NCAM2: variants seen among roughly 807,000 people sequenced by gnomAD.
NCAM2 encodes the protein neural cell adhesion molecule 2, also known as N-CAM-2.
In NCAM2, 30 loss-of-function variants were observed where a neutral mutation model predicts 98.1. The observed-to-expected ratio is 0.31, with a 90% CI of 0.23 to 0.41. The LOEUF (loss-of-function observed/expected upper bound fraction) is 0.41. Ranked by LOEUF, NCAM2 falls within the 10% of genes least tolerant of loss-of-function variation. The pLI is 1.00. For synonymous variants in NCAM2, 368 were observed against 342.4 expected, an observed-to-expected ratio of 1.07 and a Z score of -0.83; for missense variants, 867 against 1,005.8, an observed-to-expected ratio of 0.86 and a Z score of 1.87.
chr21:21,298,748 T>C (rs1272960644), intron 5 of NCAM2, among the ~76,000 whole-genome samples: 2 of 151,680 alleles, frequency 1.3e-5, no homozygotes, highest in African/African-American at 4.8e-5. Context: ...TCTATTTCTC[T>C]TTTACTCAGA....
At chr21:21,004,882 C>T (rs2064083360) in intron 1 of NCAM2, among the ~76,000 whole-genome samples, 1 of 152,080 alleles carries the variant, frequency 6.6e-6, no homozygotes, top group African/African-American at 2.4e-5. Context: ...AAAGCCTAGC[C>T]TCTTACCAGG....
At chr21:21,220,670 A>G (rs2070110783) in intron 1 of NCAM2, among the ~76,000 whole-genome samples, 1 of 152,164 alleles carries the variant, frequency 6.6e-6, no homozygotes, top group Non-Finnish European at 1.5e-5. Context: ...TTTCAATTCC[A>G]GTAATTCTTC....
chr21:21,457,139 T>C (rs1160880735), intron 12 of NCAM2, among the ~76,000 whole-genome samples: 1 of 152,094 alleles, frequency 6.6e-6, no homozygotes, highest in Non-Finnish European at 1.5e-5. Flanking sequence ...GTGTTGGCAT[T>C]GCCTCAAATA....
At chr21:21,526,222 GA>G (rs1243476236) in intron 16 of NCAM2, among the ~76,000 whole-genome samples, 1 of 151,938 alleles carries the variant, frequency 6.6e-6, no homozygotes, top group African/African-American at 2.4e-5. Flanking sequence ...GATAGTCTAT[GA>G]AAAAAGTCTG....
chr21:21,376,235 A>G (rs1041862588), intron 9 of NCAM2, among the ~76,000 whole-genome samples: 1 of 151,846 alleles, frequency 6.6e-6, no homozygotes, highest in Admixed American at 6.6e-5. Context: ...ATTATTGTCC[A>G]TGCATGACAG....
chr21:21,518,918 A>T (rs995178464), intron 16 of NCAM2, among the ~76,000 whole-genome samples: 2 of 152,282 alleles, frequency 1.3e-5, no homozygotes, highest in Middle Eastern at 3.4e-3. Context: ...CAGGATGTTA[A>T]GTTGTTATTT....
intron 1 of NCAM2, among the ~76,000 whole-genome samples, chr21:21,276,616 C>G (rs1053931675): frequency 1.8e-4 from 27 of 152,082 alleles, no homozygotes; most frequent in African/African-American, 6.5e-4. Flanking sequence ...CATCACTTAC[C>G]TTATATTGAT....
intron 1 of NCAM2, among the ~76,000 whole-genome samples, chr21:21,023,588 A>G (rs755882831): frequency 9.2e-5 from 14 of 151,960 alleles, no homozygotes; most frequent in Non-Finnish European, 1.8e-4. Flanking sequence ...AAGTTAGATA[A>G]CTTTAAACAG....
chr21:21,066,736 T>A (rs2065446922), intron 1 of NCAM2, among the ~76,000 whole-genome samples: 1 of 152,108 alleles, frequency 6.6e-6, no homozygotes, highest in Admixed American at 6.6e-5. Context: ...ACATTTGAAA[T>A]ATTATAAATA....
intron 15 of NCAM2, among the ~76,000 whole-genome samples, chr21:21,489,737 T>C (rs753677878): frequency 2.6e-5 from 4 of 152,132 alleles, no homozygotes; most frequent in Admixed American, 6.5e-5. Context: ...ATCTCATAAA[T>C]AGTATTGTTT....
At chr21:21,108,008 C>T (rs2066384273) in intron 1 of NCAM2, among the ~76,000 whole-genome samples, 1 of 151,744 alleles carries the variant, frequency 6.6e-6, no homozygotes, top group African/African-American at 2.4e-5. Flanking sequence ...ATTAGAGTAC[C>T]AAAATTTCAC....
intron 12 of NCAM2, among the ~76,000 whole-genome samples, chr21:21,454,332 A>G (rs757467792): frequency 2.0e-5 from 3 of 152,088 alleles, no homozygotes; most frequent in Non-Finnish European, 4.4e-5. Flanking sequence ...TATTCTGCCA[A>G]CTGATCTAAT....
chr21:21,454,351 C>G (rs554369227), intron 12 of NCAM2, among the ~76,000 whole-genome samples: 1 of 152,138 alleles, frequency 6.6e-6, no homozygotes, highest in Admixed American at 6.5e-5. Context: ...ATTAGATAAA[C>G]TTAGTCAATA....
intron 1 of NCAM2, among the ~76,000 whole-genome samples, chr21:21,250,631 G>GT (rs1259953404): frequency 2.0e-5 from 3 of 152,188 alleles, no homozygotes; most frequent in East Asian, 1.9e-4. Context: ...GAAGTCATAT[G>GT]TTTTTTTCAA....
chr21:21,537,322 C>T (rs2146436801), intron 17 of NCAM2, among the ~76,000 whole-genome samples: 1 of 152,244 alleles, frequency 6.6e-6, no homozygotes, highest in Non-Finnish European at 1.5e-5. Flanking sequence ...GCTAGGATTA[C>T]AAGCATGAGC....
chr21:21,295,489 G>A (rs1232359207), intron 5 of NCAM2, among the ~76,000 whole-genome samples: 1 of 151,856 alleles, frequency 6.6e-6, no homozygotes, highest in Non-Finnish European at 1.5e-5. Context: ...GAAGGATTAT[G>A]CATCTTCACC....
At chr21:21,183,311 A>G (rs2068538279) in intron 1 of NCAM2, among the ~76,000 whole-genome samples, 1 of 152,148 alleles carries the variant, frequency 6.6e-6, no homozygotes, top group Admixed American at 6.6e-5. Flanking sequence ...GTTTGACTTC[A>G]GAAGCAACTC....
intron 12 of NCAM2, among the ~76,000 whole-genome samples, chr21:21,444,686 T>G (rs1250231670): frequency 1.3e-5 from 2 of 152,162 alleles, no homozygotes; most frequent in Non-Finnish European, 2.9e-5. Context: ...TGACATTCCC[T>G]TTATCTTTTT....
intron 1 of NCAM2, among the ~76,000 whole-genome samples, chr21:21,260,492 T>A: frequency 6.6e-6 from 1 of 150,532 alleles, no homozygotes; most frequent in African/African-American, 2.4e-5. Context: ...CTCATCAGAG[T>A]AACAGCGGAC....
Sources: allele counts gnomAD v4.1 joint callset (sites outside exome capture counted in the v4.1 genomes callset), GRCh38; gene constraint gnomAD v4.1.1; transcripts MANE v1.5; gene names NCBI Gene and HGNC (gene_info 2026-07-23, HGNC 2026-07-21).